Variants in CDK5RAP2 observed in about 807,000 individuals in gnomAD.
CDK5RAP2 encodes the protein CDK5 regulatory subunit-associated protein 2.
CDK5RAP2 carries 147 observed loss-of-function variants against 232.9 expected under a neutral mutation model. That is an observed-to-expected ratio of 0.63 (90% CI 0.55 to 0.72). The LOEUF (loss-of-function observed/expected upper bound fraction) is 0.72. Among genes scored for constraint, CDK5RAP2 ranks in the 30% least tolerant of loss-of-function variants. The probability of loss-of-function intolerance (pLI) is 0.00; values close to 1 mark genes in which losing one functional copy is unlikely to be tolerated. For synonymous variants in CDK5RAP2, 833 were observed against 833.7 expected (o/e 1.00, Z 0.01); for missense variants, 2,195 against 2,231.5 (o/e 0.98, Z 0.33).
chr9:120,465,382 A>G (rs2037319593), intron 18 of CDK5RAP2, among the ~76,000 whole-genome samples: 1 of 152,134 alleles, frequency 6.6e-6, no homozygotes, highest in African/African-American at 2.4e-5. Flanking sequence ...CTCATTAGAG[A>G]TTTTTTTAAA....
At chr9:120,427,329 G>A (rs575771997) in intron 25 of CDK5RAP2, among the ~76,000 whole-genome samples, 28 of 152,288 alleles carry the variant, frequency 1.8e-4, no homozygotes, top group East Asian at 7.7e-4. Context: ...ATTCAATGCC[G>A]TCCTGGGCTG....
At chr9:120,516,461 A>G (rs2040345647) in intron 12 of CDK5RAP2, among the ~76,000 whole-genome samples, 1 of 152,058 alleles carries the variant, frequency 6.6e-6, no homozygotes, top group Non-Finnish European at 1.5e-5. Context: ...GCACATGTAT[A>G]CATATGTAAC....
chr9:120,518,715 G>T, intron 11 of CDK5RAP2, 70 bp from the exon 12 acceptor site: 2 of 1,227,954 alleles, frequency 1.6e-6, no homozygotes, highest in Non-Finnish European at 1.2e-6. Flanking sequence ...AGAAACCTGG[G>T]CTCTTTTTCG....
intron 12 of CDK5RAP2, among the ~76,000 whole-genome samples, chr9:120,493,573 G>T (rs1395583608): frequency 6.6e-6 from 1 of 152,218 alleles, no homozygotes; most frequent in African/African-American, 2.4e-5. Flanking sequence ...CATTTATGAT[G>T]TAACATTGCC....
At chr9:120,472,315 T>A (rs2037755557) in intron 15 of CDK5RAP2, among the ~76,000 whole-genome samples, 1 of 152,246 alleles carries the variant, frequency 6.6e-6, no homozygotes, top group African/African-American at 2.4e-5. Context: ...AAATTTTTGC[T>A]ATAGGCGTTA....
intron 12 of CDK5RAP2, among the ~76,000 whole-genome samples, chr9:120,516,874 T>A (rs2040364460): frequency 6.6e-6 from 1 of 152,208 alleles, no homozygotes; most frequent in Non-Finnish European, 1.5e-5. Context: ...TCTGACCCAG[T>A]AATCTCACTC....
chr9:120,451,822 C>G (rs1010759326), intron 21 of CDK5RAP2, among the ~76,000 whole-genome samples: 14 of 149,454 alleles, frequency 9.4e-5, no homozygotes, highest in Admixed American at 5.3e-4. Flanking sequence ...CTACCAAATT[C>G]ATACTCTTGT....
intron 5 of CDK5RAP2, among the ~76,000 whole-genome samples, chr9:120,545,277 A>C (rs2041795055): frequency 6.6e-6 from 1 of 152,236 alleles, no homozygotes; most frequent in Non-Finnish European, 1.5e-5. Context: ...TCAATCTCAC[A>C]AATATATTGT....
chr9:120,497,667 A>C (rs993302229), intron 12 of CDK5RAP2, among the ~76,000 whole-genome samples: 3 of 152,164 alleles, frequency 2.0e-5, no homozygotes, highest in Non-Finnish European at 4.4e-5. Flanking sequence ...AATACAATAC[A>C]CTAAGAAGAG....
At chr9:120,536,640 C>T (rs2041403054) in intron 6 of CDK5RAP2, 114 bp from the exon 7 acceptor site, 3 of 1,023,938 alleles carry the variant, frequency 2.9e-6, no homozygotes, top group Non-Finnish European at 4.4e-6. Flanking sequence ...CACATTTCCC[C>T]TCCCTGAATT....
intron 12 of CDK5RAP2, among the ~76,000 whole-genome samples, chr9:120,502,018 C>G (rs1409764856): frequency 3.3e-5 from 5 of 152,132 alleles, no homozygotes; most frequent in Admixed American, 3.3e-4. Flanking sequence ...TCACAGTCAC[C>G]AAGGGACAGC....
At chr9:120,545,596 C>A in intron 5 of CDK5RAP2, 118 bp downstream of exon 5, 1 of 806,542 alleles carries the variant, frequency 1.2e-6, no homozygotes, top group South Asian at 1.4e-5. Context: ...ACAAAAACCT[C>A]CTTGCAGTCC....
chr9:120,395,467 C>T (rs1231626481), intron 35 of CDK5RAP2, among the ~76,000 whole-genome samples: 1 of 152,184 alleles, frequency 6.6e-6, no homozygotes, highest in African/African-American at 2.4e-5. Flanking sequence ...GTGGCAAAAC[C>T]AGAGTCCCCA....
chr9:120,431,350 CTG>C (rs1255607204), intron 25 of CDK5RAP2, among the ~76,000 whole-genome samples: 4 of 152,172 alleles, frequency 2.6e-5, no homozygotes, highest in Admixed American at 6.5e-5. Context: ...GGAGGGTAGA[CTG>C]TGAAAGTGAA....
chr9:120,417,708 TG>T (rs1274410561), intron 27 of CDK5RAP2, among the ~76,000 whole-genome samples: 1 of 152,130 alleles, frequency 6.6e-6, no homozygotes, highest in Non-Finnish European at 1.5e-5. Context: ...CTTTACAAAA[TG>T]GGAGAAAAAT....
At chr9:120,466,606 T>G (rs2037392914) in intron 18 of CDK5RAP2, among the ~76,000 whole-genome samples, 1 of 152,148 alleles carries the variant, frequency 6.6e-6, no homozygotes, top group East Asian at 1.9e-4. Flanking sequence ...TCAAATGAAG[T>G]TGGTGAAGAA....
intron 11 of CDK5RAP2, among the ~76,000 whole-genome samples, chr9:120,522,809 T>A (rs190553502): frequency 6.6e-6 from 1 of 152,342 alleles, no homozygotes; most frequent in East Asian, 1.9e-4. Context: ...CTGTGAACAC[T>A]GGCTATTTAA....
intron 13 of CDK5RAP2, among the ~76,000 whole-genome samples, chr9:120,490,150 C>A (rs1474669494): frequency 6.6e-6 from 1 of 152,188 alleles, no homozygotes; most frequent in African/African-American, 2.4e-5. Flanking sequence ...TAAACTCAGG[C>A]CATCCACCTA....
intron 1 of CDK5RAP2, among the ~76,000 whole-genome samples, chr9:120,578,191 C>T (rs764456354): frequency 6.6e-6 from 1 of 152,076 alleles, no homozygotes; most frequent in African/African-American, 2.4e-5. Flanking sequence ...TGCTTGAACC[C>T]GGGAGGCGGA....
Sources: allele counts gnomAD v4.1 joint callset (sites outside exome capture counted in the v4.1 genomes callset), GRCh38; gene constraint gnomAD v4.1.1; transcripts MANE v1.5; gene names NCBI Gene and HGNC (gene_info 2026-07-23, HGNC 2026-07-21).